Variants in CPQ observed in about 807,000 individuals in gnomAD.
CPQ encodes the protein carboxypeptidase Q.
CPQ carries 37 observed loss-of-function variants against 45.7 expected under a neutral mutation model. That is an observed-to-expected ratio of 0.81 (90% confidence interval 0.62 to 1.07). CPQ has a LOEUF of 1.07. Among genes scored for constraint, CPQ ranks in the 50% least tolerant of loss-of-function variants. CPQ has a pLI of 0.00. For synonymous variants in CPQ, 186 were observed against 205.8 expected, an observed-to-expected ratio of 0.90 and a Z score of 0.82; for missense variants, 537 against 572.9, an observed-to-expected ratio of 0.94 and a Z score of 0.64.
At chr8:96,797,471 C>T (rs556600420) in intron 2 of CPQ, among the ~76,000 whole-genome samples, 1 of 152,214 alleles carries the variant, frequency 6.6e-6, no homozygotes, top group African/African-American at 2.4e-5. Flanking sequence ...CTACCAATAG[C>T]ATTGTGGTCC....
rs79757275 is a variant in CPQ at position 96,944,011 on chromosome 8, G to T, written c.850-21924G>T. Among the ~76,000 whole-genome samples, 291 of 152,222 alleles carry T rather than the reference G, an allele frequency of 1.9e-3. 1 individual carries two copies. The highest frequency in any genetic ancestry group is 6.8e-3 in the Middle Eastern group (2 of 294). On this transcript the variant is annotated intron_variant, in intron 4 of 7. Coordinates refer to ENST00000220763, the MANE Select transcript of CPQ (RefSeq NM_016134.4). ...AATATGTCTCTGGCATGGTCAAGAA[G>T]TTCTTTTTTCCTGATTCAAGTACTT... is the stretch of plus-strand genomic sequence containing the variant.
rs141249137 is a variant in CPQ, at chr8:96,835,109, G to A, written c.570G>A (p.Gly190=). ...GGACGGTGCAATACCGAACGCAGGG[G>A]GCGGTGGAAGCTGCCAAGGTGGGGG... The part of the protein sequence containing the change: ...YSRTVQYRTQ[G]AVEAAKVGAL... The change falls in exon 3 of 8, where the codon GGG becomes GGA. Residue 190 remains glycine (G), a synonymous_variant. Transcript: ENST00000220763. 3.5e-5 allele frequency: 56 copies of A among 1,595,852 alleles called. No individual in the cohort carries two copies. The African/African-American group carries it at 6.8e-4, about 19-fold the overall frequency.
At position 97,079,379 on chromosome 8, in the gene CPQ, G is replaced by T. The variant is rs1810909073; in HGVS notation, c.1255+13169G>T. Among the ~76,000 whole-genome samples, 6 of 152,254 alleles carry T rather than the reference G, an allele frequency of 3.9e-5. No homozygotes were observed. The South Asian group carries it at 1.2e-3, about 32-fold the overall frequency. Reference sequence around the variant, plus strand: ...CAATTGGAAAAGAGGCTTAAGGAGAGAATTTAACATATATTTGTTGTTTAC... The same window carrying T: ...CAATTGGAAAAGAGGCTTAAGGAGATAATTTAACATATATTTGTTGTTTAC... On this transcript the variant is annotated intron_variant, in intron 7 of 7. Transcript: ENST00000220763.
At chr8:96,826,809 G>A (rs1315878756) in intron 2 of CPQ, among the ~76,000 whole-genome samples, 2 of 152,072 alleles carry the variant, frequency 1.3e-5, no homozygotes, top group African/African-American at 4.8e-5. Flanking sequence ...GCCTCAGTGT[G>A]TGTTGTTCCC....
chr8:96,985,048 G>A (rs1306879447), intron 5 of CPQ, among the ~76,000 whole-genome samples: 1 of 152,108 alleles, frequency 6.6e-6, no homozygotes, highest in Admixed American at 6.6e-5. Context: ...ATCTTTGAAT[G>A]ATGTTAGTTG....
At chr8:96,658,429 T>C (rs1236416824) in intron 1 of CPQ, among the ~76,000 whole-genome samples, 1 of 152,248 alleles carries the variant, frequency 6.6e-6, no homozygotes, top group African/African-American at 2.4e-5. Context: ...TACCTCCATT[T>C]CTTCATCCAT....
At chr8:96,959,859 C>T (rs188546434) in intron 4 of CPQ, among the ~76,000 whole-genome samples, 1 of 126,822 alleles carries the variant, frequency 7.9e-6, no homozygotes, top group East Asian at 2.3e-4. Flanking sequence ...TAGGAGAAGA[C>T]AGCTGCTGCA....
At chr8:96,796,822 T>G (rs1810936565) in intron 2 of CPQ, among the ~76,000 whole-genome samples, 2 of 152,176 alleles carry the variant, frequency 1.3e-5, no homozygotes, top group Non-Finnish European at 2.9e-5. Flanking sequence ...GGGAATAATA[T>G]AGGAGTGAGA....
chr8:96,748,636 A>G (rs1810220939), intron 1 of CPQ, among the ~76,000 whole-genome samples: 1 of 152,066 alleles, frequency 6.6e-6, no homozygotes, highest in Admixed American at 6.6e-5. Context: ...TATCTTTTTT[A>G]ACTGTTTGCT....
intron 7 of CPQ, among the ~76,000 whole-genome samples, chr8:97,129,265 C>T (rs1811897388): frequency 6.6e-6 from 1 of 152,082 alleles, no homozygotes; most frequent in African/African-American, 2.4e-5. Flanking sequence ...CACTCTGGGG[C>T]CAGGACTCCC....
At chr8:96,698,134 G>T (rs918869120) in intron 1 of CPQ, among the ~76,000 whole-genome samples, 3 of 151,912 alleles carry the variant, frequency 2.0e-5, no homozygotes, top group Non-Finnish European at 4.4e-5. Context: ...AAACAGTATG[G>T]CACTGGCATA....
intron 3 of CPQ, among the ~76,000 whole-genome samples, chr8:96,863,008 T>A (rs1811947460): frequency 6.6e-6 from 1 of 152,042 alleles, no homozygotes; most frequent in South Asian, 2.1e-4. Context: ...TGCCATACCA[T>A]CCCTTGACTA....
At chr8:96,768,209 A>T (rs1395565858) in intron 1 of CPQ, among the ~76,000 whole-genome samples, 1 of 151,464 alleles carries the variant, frequency 6.6e-6, no homozygotes, top group Non-Finnish European at 1.5e-5. Flanking sequence ...GTGCTACAAT[A>T]GTTTTATTTT....
chr8:97,069,437 C>T (rs1040456274), intron 7 of CPQ, among the ~76,000 whole-genome samples: 1 of 149,616 alleles, frequency 6.7e-6, no homozygotes, highest in African/African-American at 2.5e-5. Context: ...TTAAGATCAG[C>T]CTGGGCAACA....
At chr8:96,937,458 G>A (rs909878816) in intron 4 of CPQ, among the ~76,000 whole-genome samples, 3 of 152,148 alleles carry the variant, frequency 2.0e-5, no homozygotes, top group Non-Finnish European at 2.9e-5. Context: ...GGTAGCCAAA[G>A]GATTTTGCCT....
chr8:96,899,876 G>A (rs559804539), intron 4 of CPQ, among the ~76,000 whole-genome samples: 3 of 146,534 alleles, frequency 2.0e-5, no homozygotes, highest in South Asian at 2.1e-4. Context: ...CTGGGTAAGA[G>A]AAAGTCGATA....
At chr8:96,781,534 G>T (rs1339497794) in intron 1 of CPQ, among the ~76,000 whole-genome samples, 1 of 152,130 alleles carries the variant, frequency 6.6e-6, no homozygotes, top group African/African-American at 2.4e-5. Flanking sequence ...TACCTTCCAA[G>T]ACCATTACAA....
At chr8:97,093,148 T>G (rs1194925377) in intron 7 of CPQ, among the ~76,000 whole-genome samples, 1 of 152,058 alleles carries the variant, frequency 6.6e-6, no homozygotes, top group Non-Finnish European at 1.5e-5. Context: ...GAGTGGCTAT[T>G]ACTACAATGT....
intron 3 of CPQ, among the ~76,000 whole-genome samples, chr8:96,877,629 T>C (rs750756623): frequency 3.3e-5 from 5 of 152,262 alleles, no homozygotes; most frequent in Non-Finnish European, 7.3e-5. Context: ...TAATTTTTAC[T>C]AAGTAATTAC....
Sources: allele counts gnomAD v4.1 joint callset (sites outside exome capture counted in the v4.1 genomes callset), GRCh38; gene constraint gnomAD v4.1.1; transcripts MANE v1.5; gene names NCBI Gene and HGNC (gene_info 2026-07-23, HGNC 2026-07-21).